The following NUDT3 variants were observed in gnomAD, a reference collection of about 807,000 sequenced individuals.
The protein encoded by NUDT3 is diphosphoinositol polyphosphate phosphohydrolase 1.
A neutral mutation model predicts 23.6 loss-of-function variants in NUDT3; 9 were observed. The observed-to-expected ratio is 0.38, with a 90% CI of 0.23 to 0.66. The LOEUF (loss-of-function observed/expected upper bound fraction) is 0.66, where lower values mean the gene tolerates loss of function less well. Ranked by LOEUF, NUDT3 falls within the 30% of genes least tolerant of loss-of-function variation. NUDT3 has a pLI of 0.52. For synonymous variants in NUDT3, 86 were observed against 82.6 expected (o/e 1.04, Z -0.22); for missense variants, 172 against 218.5 (o/e 0.79, Z 1.34).
chr6:34,333,190 A>G (rs1286148774), intron 2 of NUDT3, among the ~76,000 whole-genome samples: 2 of 152,136 alleles, frequency 1.3e-5, no homozygotes, highest in Admixed American at 1.3e-4. Context: ...TAATTTGCAA[A>G]AGGGAATATT....
chr6:34,386,884 G>A (rs973206289), intron 1 of NUDT3, among the ~76,000 whole-genome samples: 1 of 152,184 alleles, frequency 6.6e-6, no homozygotes, highest in South Asian at 2.1e-4. Flanking sequence ...GGAGGCTGAG[G>A]ATGCAGATTG....
At chr6:34,376,127 G>C (rs554136910) in intron 1 of NUDT3, among the ~76,000 whole-genome samples, 1 of 152,148 alleles carries the variant, frequency 6.6e-6, no homozygotes, top group South Asian at 2.1e-4. Flanking sequence ...CTTCAAATTC[G>C]ACATGACAAA....
intron 1 of NUDT3, among the ~76,000 whole-genome samples, chr6:34,373,043 G>C (rs1764858037): frequency 6.6e-6 from 1 of 151,956 alleles, no homozygotes. Context: ...ACTTTGGGAA[G>C]CCGAGGCGGG....
chr6:34,347,200 G>A (rs1764385382), intron 1 of NUDT3, among the ~76,000 whole-genome samples: 1 of 152,158 alleles, frequency 6.6e-6, no homozygotes, highest in Non-Finnish European at 1.5e-5. Flanking sequence ...AAGAAATTAA[G>A]TGCAAAAGCT....
At chr6:34,339,131 T>G (rs1408532964) in intron 2 of NUDT3, among the ~76,000 whole-genome samples, 1 of 152,170 alleles carries the variant, frequency 6.6e-6, no homozygotes, top group African/African-American at 2.4e-5. Flanking sequence ...TTATCTCCTT[T>G]GTCTAAATGT....
At position 34,392,063 on chromosome 6, in the gene NUDT3, C is replaced by T. The variant is rs540342423; in HGVS notation, c.99+201G>A. Among the ~76,000 whole-genome samples, 3 of 152,338 alleles carry T rather than the reference C, an allele frequency of 2.0e-5. No homozygotes were observed. The South Asian group carries it at 6.2e-4, about 32-fold the overall frequency. The stretch of plus-strand genomic sequence containing the variant: ...CCTCCGCCCGGCGCGCCCTGTGCAG[C>T]CGCACTCAAACCCGCTTCCCCTCAG... On this transcript the variant is annotated intron_variant, in intron 1 of 4. Transcript: ENST00000607016.
intron 1 of NUDT3, among the ~76,000 whole-genome samples, chr6:34,351,226 A>AAAAAAAC (rs1554154786): frequency 7.5e-5 from 10 of 133,974 alleles, no homozygotes; most frequent in African/African-American, 3.1e-4. Flanking sequence ...AAAAAAAAAA[A>AAAAAAAC]CACTTTGGGA....
At chr6:34,384,338 T>A (rs1765070422) in intron 1 of NUDT3, among the ~76,000 whole-genome samples, 1 of 152,200 alleles carries the variant, frequency 6.6e-6, no homozygotes, top group African/African-American at 2.4e-5. Context: ...CTTCATCCTT[T>A]CTTTATTAAA....
chr6:34,310,179 G>A (rs1459786909), intron 2 of NUDT3, among the ~76,000 whole-genome samples: 1 of 152,164 alleles, frequency 6.6e-6, no homozygotes, highest in Non-Finnish European at 1.5e-5. Flanking sequence ...GCTCCAGTGA[G>A]CTATGTTTGT....
intron 2 of NUDT3, among the ~76,000 whole-genome samples, chr6:34,341,612 G>A (rs1764288625): frequency 6.6e-6 from 1 of 152,194 alleles, no homozygotes; most frequent in Non-Finnish European, 1.5e-5. Flanking sequence ...GGCAGTGTTG[G>A]AAGAAATCCA....
chr6:34,285,857 A>C lies in NUDT3; in HGVS notation c.*2896T>G, dbSNP rs181518736. Reference sequence around the variant, plus strand: ...ATGTTGGACAAAGCCTCTTTTTGTCAGTTAAGAAAGCGTAAGCACAATCTC... The same window carrying C: ...ATGTTGGACAAAGCCTCTTTTTGTCCGTTAAGAAAGCGTAAGCACAATCTC... On this transcript the variant is annotated 3_prime_UTR_variant, in exon 5 of 5. Transcript: ENST00000607016. 6 of 152,330 alleles carry C rather than the reference A, an allele frequency of 3.9e-5. No homozygotes were observed. The East Asian group carries it at 9.6e-4, about 24-fold the overall frequency. 9.4% of individuals were successfully genotyped at this position (152,330 alleles called of 1,614,324 possible). A position where few individuals can be genotyped will look rare whatever the true frequency, so the allele number is the denominator to read the frequency against.
chr6:34,356,001 G>A (rs1581886906), intron 1 of NUDT3, among the ~76,000 whole-genome samples: 1 of 152,064 alleles, frequency 6.6e-6, no homozygotes, highest in Non-Finnish European at 1.5e-5. Context: ...CTGTTTAGGA[G>A]TAGAATGGGA....
At chr6:34,308,119 C>CAAAAAAAAAAAAAAAAAA (rs533055608) in intron 2 of NUDT3, among the ~76,000 whole-genome samples, 4 of 60,124 alleles carry the variant, frequency 6.7e-5, no homozygotes, top group Non-Finnish European at 1.0e-4. Context: ...AACTCTGTCT[C>CAAAAAAAAAAAAAAAAAA]AAAAAAAAAA....
At chr6:34,297,718 TAAAA>T (rs200099331) in intron 2 of NUDT3, among the ~76,000 whole-genome samples, 5,921 of 78,746 alleles carry the variant, frequency 0.075, 363 homozygotes, top group African/African-American at 0.15. Context: ...CCGGCTAATG[TAAAA>T]AAAAAAAAAT....
intron 1 of NUDT3, among the ~76,000 whole-genome samples, chr6:34,370,352 T>A (rs1275799115): frequency 5.3e-5 from 8 of 152,178 alleles, no homozygotes; most frequent in African/African-American, 1.9e-4. Context: ...ATCTTTGCAC[T>A]CTCCCATTCC....
At chr6:34,358,289 A>ACC (rs1431645462) in intron 1 of NUDT3, among the ~76,000 whole-genome samples, 1 of 151,680 alleles carries the variant, frequency 6.6e-6, no homozygotes, top group Non-Finnish European at 1.5e-5. Context: ...ACACACACAC[A>ACC]CACCCCTTAT....
intron 1 of NUDT3, among the ~76,000 whole-genome samples, chr6:34,365,989 C>T (rs991581056): frequency 2.6e-5 from 4 of 152,084 alleles, no homozygotes; most frequent in Non-Finnish European, 5.9e-5. Flanking sequence ...TGCAGTGAGC[C>T]AAGATTGCGC....
rs139772698 is a variant in NUDT3 at position 34,340,691 on chromosome 6, C to T, written c.210+1171G>A. ...ATTTCCATTTAGGGTATTTCTTCAG[C>T]ATCTGCATTGTTCCAACCATTGTTC... is the stretch of plus-strand genomic sequence containing the variant. On this transcript the variant is annotated intron_variant, in intron 2 of 4. Transcript: ENST00000607016. 4.4e-3 allele frequency among the ~76,000 whole-genome samples: 668 copies of T among 152,342 alleles called. 2 individuals are homozygous for T. Among genetic ancestry groups the T allele is most frequent in the African/African-American group, 0.015 (634 of 41,580 alleles).
chr6:34,387,758 TTAAGC>T (rs77016453), intron 1 of NUDT3, among the ~76,000 whole-genome samples: 97,329 of 150,558 alleles, frequency 0.65, 33,796 homozygotes, highest in Non-Finnish European at 0.79. Context: ...ACAATGTGTT[TTAAGC>T]TAAGTATTAC....
Sources: gnomAD v4.1 joint callset for allele counts (sites outside exome capture counted in the v4.1 genomes callset) on GRCh38, gnomAD v4.1.1 for gene constraint, MANE v1.5 for transcripts, NCBI Gene and HGNC (gene_info 2026-07-23, HGNC 2026-07-21) for gene names.